Variants in DENND4C observed in about 807,000 individuals in gnomAD.
The protein encoded by DENND4C is DENN domain containing 4C.
A neutral mutation model predicts 203.0 loss-of-function variants in DENND4C; 108 were observed. The ratio of observed to expected loss-of-function variants is 0.53; its 90% CI spans 0.46 to 0.62. DENND4C has a LOEUF of 0.62. Ranked by LOEUF, DENND4C falls within the 20% of genes least tolerant of loss-of-function variation. The pLI is 0.00. For missense variants in DENND4C, 2,481 were observed against 2,301.2 expected (o/e 1.08, Z -1.60); for synonymous variants, 871 against 792.4 (o/e 1.10, Z -1.67).
At chr9:19,344,287 A>G (rs1161167382) in intron 22 of DENND4C, among the ~76,000 whole-genome samples, 5 of 152,232 alleles carry the variant, frequency 3.3e-5, no homozygotes, top group Admixed American at 6.5e-5. Flanking sequence ...CTAAATATGA[A>G]TAACTCAGGC....
At chr9:19,264,726 G>A (rs911975267) in intron 1 of DENND4C, among the ~76,000 whole-genome samples, 12 of 151,666 alleles carry the variant, frequency 7.9e-5, no homozygotes, top group African/African-American at 2.9e-4. Flanking sequence ...TGTCCATTTT[G>A]TTTATCTTTT....
intron 23 of DENND4C, among the ~76,000 whole-genome samples, chr9:19,349,009 T>C (rs1220784546): frequency 6.6e-6 from 1 of 152,138 alleles, no homozygotes; most frequent in East Asian, 1.9e-4. Flanking sequence ...TCTTGCTATG[T>C]TGCCCAAGCT....
intron 16 of DENND4C, 34 bp from the exon 17 acceptor site, chr9:19,331,944 T>C: frequency 1.3e-6 from 2 of 1,558,410 alleles, no homozygotes; most frequent in Non-Finnish European, 1.7e-6. Context: ...TAATGAATTT[T>C]AGTAAATATC....
In DENND4C at chr9:19,352,518, G is replaced by C; in HGVS notation, c.4634G>C (p.Arg1545Thr). 1 of 1,612,820 alleles carries C rather than the reference G, an allele frequency of 6.2e-7. No individual in the cohort carries two copies. The highest frequency in any genetic ancestry group is 1.1e-5 in the South Asian group (1 of 90,862). ...EVLMSSCSQC[R>T]ACGALVYDEE... is the part of the protein sequence containing the mutation. The stretch of plus-strand genomic sequence containing the variant: ...TTGATGTCCAGTTGTTCACAGTGTA[G>C]AGCTTGTGGAGCTTTAGTTTATGAT... Residue 1545 changes from arginine to threonine, a missense_variant, in exon 26 of 33, where the codon AGA (arginine) becomes ACA (threonine). This residue lies in a region of DENND4C where 2,289 missense variants were observed against 2,113.3 expected (regional missense o/e 1.08). Transcript: ENST00000434457.
At chr9:19,308,376 A>C (rs910183319) in intron 10 of DENND4C, among the ~76,000 whole-genome samples, 3 of 152,212 alleles carry the variant, frequency 2.0e-5, no homozygotes, top group African/African-American at 7.2e-5. Context: ...TTTGATGGTA[A>C]TGGTATTTCA....
chr9:19,313,266 C>A (rs958241865), intron 10 of DENND4C, among the ~76,000 whole-genome samples: 1 of 151,936 alleles, frequency 6.6e-6, no homozygotes, highest in African/African-American at 2.4e-5. Context: ...TGGCAATATC[C>A]TCTTACTCTA....
intron 1 of DENND4C, among the ~76,000 whole-genome samples, chr9:19,275,513 C>T (rs909994982): frequency 1.3e-5 from 2 of 151,868 alleles, no homozygotes; most frequent in African/African-American, 4.8e-5. Flanking sequence ...CTCTTTCACC[C>T]AGGCTGAGGT....
chr9:19,288,159 C>G (rs564148448), intron 3 of DENND4C, among the ~76,000 whole-genome samples: 1 of 152,326 alleles, frequency 6.6e-6, no homozygotes, highest in Non-Finnish European at 1.5e-5. Flanking sequence ...ATCTTCAGGT[C>G]AAACTAATAT....
At chr9:19,338,279 ATTT>A (rs1820922609) in intron 20 of DENND4C, among the ~76,000 whole-genome samples, 2 of 152,124 alleles carry the variant, frequency 1.3e-5, no homozygotes. Flanking sequence ...AAAAAAATAT[ATTT>A]TTTTGTATGA....
chr9:19,356,892 A>G (rs1216078526), intron 26 of DENND4C, 80 bp from the exon 27 acceptor site: 1 of 1,333,262 alleles, frequency 7.5e-7, no homozygotes, highest in Non-Finnish European at 1.0e-6. Flanking sequence ...CTTTAGCAAT[A>G]AAATGATTCT....
At chr9:19,321,491 G>GTTTTGT (rs897058953) in intron 12 of DENND4C, among the ~76,000 whole-genome samples, 3 of 151,096 alleles carry the variant, frequency 2.0e-5, no homozygotes, top group Non-Finnish European at 3.0e-5. Flanking sequence ...GTTTTGTTTT[G>GTTTTGT]TTTTGTTTTT....
intron 1 of DENND4C, among the ~76,000 whole-genome samples, chr9:19,267,073 ATGTGTATATTC>A (rs1037276160): frequency 2.6e-5 from 4 of 152,134 alleles, no homozygotes; most frequent in African/African-American, 9.7e-5. Context: ...GAGGAGAAGA[ATGTGTATATTC>A]TGCAGCCGTT....
chr9:19,272,242 A>G (rs1296405743), intron 1 of DENND4C, among the ~76,000 whole-genome samples: 1 of 151,728 alleles, frequency 6.6e-6, no homozygotes, highest in East Asian at 1.9e-4. Flanking sequence ...CAACATGGGG[A>G]AAGCCTGGTC....
intron 16 of DENND4C, among the ~76,000 whole-genome samples, chr9:19,329,678 G>A (rs1818648372): frequency 6.6e-6 from 1 of 152,098 alleles, no homozygotes; most frequent in African/African-American, 2.4e-5. Context: ...GTGTATGAGG[G>A]TTCCAGTTTC....
intron 8 of DENND4C, among the ~76,000 whole-genome samples, chr9:19,299,791 C>G (rs1838182931): frequency 6.6e-6 from 1 of 152,154 alleles, no homozygotes; most frequent in Non-Finnish European, 1.5e-5. Flanking sequence ...CAATTTCAGC[C>G]TAATCTGTTG....
intron 26 of DENND4C, among the ~76,000 whole-genome samples, chr9:19,353,621 C>G (rs1219097118): frequency 6.6e-6 from 1 of 151,746 alleles, no homozygotes; most frequent in African/African-American, 2.4e-5. Context: ...GAGAGAGACT[C>G]TGTCTCTGAA....
intron 12 of DENND4C, among the ~76,000 whole-genome samples, chr9:19,317,624 C>G (rs928513620): frequency 1.4e-4 from 21 of 152,032 alleles, no homozygotes; most frequent in Non-Finnish European, 1.9e-4. Flanking sequence ...ATCTTTTCTG[C>G]TTTAGTGTAA....
At chr9:19,292,031 CT>C (rs111512637) in intron 5 of DENND4C, among the ~76,000 whole-genome samples, 8 of 148,696 alleles carry the variant, frequency 5.4e-5, no homozygotes, top group East Asian at 2.0e-4. Flanking sequence ...AATCCCACCT[CT>C]TTTTTTTTTG....
chr9:19,367,193 G>A (rs982132137), intron 30 of DENND4C, among the ~76,000 whole-genome samples: 3 of 152,120 alleles, frequency 2.0e-5, no homozygotes, highest in East Asian at 1.9e-4. Context: ...AAATAATAAC[G>A]AGTTAGTGAA....
Sources: allele counts gnomAD v4.1 joint callset (sites outside exome capture counted in the v4.1 genomes callset), GRCh38; gene constraint gnomAD v4.1.1; regional missense constraint gnomAD v4.1.1; transcripts MANE v1.5; gene names NCBI Gene and HGNC (gene_info 2026-07-23, HGNC 2026-07-21).